The following KBTBD12 variants were observed in gnomAD, a reference collection of about 807,000 sequenced individuals.
KBTBD12 encodes kelch repeat and BTB domain-containing protein 12.
In KBTBD12, 53 loss-of-function variants were observed where a neutral mutation model predicts 58.7. That is an observed-to-expected ratio of 0.90 (90% CI 0.72 to 1.14). KBTBD12 has a LOEUF of 1.14. Among genes scored for constraint, KBTBD12 ranks in the 50% most tolerant of loss-of-function variants. The probability of loss-of-function intolerance (pLI) is 0.00; values close to 1 mark genes in which losing one functional copy is unlikely to be tolerated. For synonymous variants in KBTBD12, 236 were observed against 259.8 expected, an observed-to-expected ratio of 0.91 and a Z score of 0.88; for missense variants, 704 against 751.3, an observed-to-expected ratio of 0.94 and a Z score of 0.74.
At chr3:127,966,002 T>C (rs531259769) in intron 5 of KBTBD12, among the ~76,000 whole-genome samples, 8 of 152,222 alleles carry the variant, frequency 5.3e-5, no homozygotes, top group Non-Finnish European at 1.2e-4. Flanking sequence ...ACATGAAGAT[T>C]AGCTGAAAGA....
chr3:127,963,154 C>T (rs532037490), intron 4 of KBTBD12, 35 bp from the exon 5 acceptor site: 1 of 1,539,682 alleles, frequency 6.5e-7, no homozygotes, highest in African/African-American at 1.4e-5. Flanking sequence ...GTTTCAGTTC[C>T]TGATCCTCTC....
At chr3:127,937,884 A>G (rs1413081203) in intron 4 of KBTBD12, among the ~76,000 whole-genome samples, 1 of 152,184 alleles carries the variant, frequency 6.6e-6, no homozygotes, top group Non-Finnish European at 1.5e-5. Flanking sequence ...TGGAATCCTA[A>G]AGACAGTTAA....
chr3:127,983,009 G>A (rs1360062953), intron 5 of KBTBD12, among the ~76,000 whole-genome samples: 1 of 152,224 alleles, frequency 6.6e-6, no homozygotes, highest in East Asian at 1.9e-4. Flanking sequence ...CTAGCCCAGG[G>A]CCACATGACT....
chr3:127,929,882 C>T (rs1201187476), intron 3 of KBTBD12, among the ~76,000 whole-genome samples: 1 of 151,484 alleles, frequency 6.6e-6, no homozygotes, highest in Admixed American at 6.6e-5. Flanking sequence ...TAATGAATGT[C>T]TCACTGCTAA....
intron 5 of KBTBD12, among the ~76,000 whole-genome samples, chr3:127,964,973 A>G (rs1940534545): frequency 6.6e-6 from 1 of 152,198 alleles, no homozygotes; most frequent in Non-Finnish European, 1.5e-5. Flanking sequence ...CCCTGCGTGT[A>G]AGAAGGGAGC....
At chr3:127,945,842 A>C (rs1244941401) in intron 4 of KBTBD12, among the ~76,000 whole-genome samples, 1 of 151,780 alleles carries the variant, frequency 6.6e-6, no homozygotes. Context: ...CCATGCCTGG[A>C]TAATTTTTGT....
At chr3:127,964,640 C>CAAAAAA (rs34230294) in intron 5 of KBTBD12, among the ~76,000 whole-genome samples, 1 of 111,140 alleles carries the variant, frequency 9.0e-6, no homozygotes, top group African/African-American at 3.2e-5. Context: ...GACTCCATCT[C>CAAAAAA]AAAAAAAAAA....
chr3:127,958,292 C>T (rs2107607500), intron 4 of KBTBD12, among the ~76,000 whole-genome samples: 1 of 152,252 alleles, frequency 6.6e-6, no homozygotes, highest in East Asian at 1.9e-4. Context: ...CTGCAGCTGG[C>T]ACCTCTAGCC....
intron 4 of KBTBD12, among the ~76,000 whole-genome samples, chr3:127,961,770 G>T (rs1432149656): frequency 6.6e-6 from 1 of 152,188 alleles, no homozygotes; most frequent in African/African-American, 2.4e-5. Flanking sequence ...AGGTACTAGG[G>T]ATGCAATATG....
intron 4 of KBTBD12, among the ~76,000 whole-genome samples, chr3:127,942,663 T>C (rs1939979049): frequency 6.8e-6 from 1 of 148,000 alleles, no homozygotes; most frequent in African/African-American, 2.5e-5. Context: ...TATAACTACA[T>C]ATAACTATAT....
intron 2 of KBTBD12, among the ~76,000 whole-genome samples, chr3:127,926,804 GT>G (rs758803623): frequency 6.6e-6 from 1 of 152,022 alleles, no homozygotes; most frequent in Admixed American, 6.6e-5. Flanking sequence ...ATGTTTTCCT[GT>G]TTTTTTGTGT....
chr3:127,928,568 A>C (rs533467576), intron 3 of KBTBD12, among the ~76,000 whole-genome samples: 1 of 152,364 alleles, frequency 6.6e-6, no homozygotes, highest in South Asian at 2.1e-4. Context: ...TGCTGTTTCT[A>C]TTGAAGCCCA....
intron 5 of KBTBD12, among the ~76,000 whole-genome samples, chr3:127,982,473 T>C (rs1356467209): frequency 6.6e-6 from 1 of 152,068 alleles, no homozygotes; most frequent in African/African-American, 2.4e-5. Context: ...CCACACCCAC[T>C]GAAATTATTC....
intron 4 of KBTBD12, among the ~76,000 whole-genome samples, chr3:127,957,404 G>T (rs1940340625): frequency 6.6e-6 from 1 of 152,158 alleles, no homozygotes; most frequent in Non-Finnish European, 1.5e-5. Flanking sequence ...CTGTGGAATA[G>T]GTTTGACTAA....
At chr3:127,953,422 A>G (rs1480316786) in intron 4 of KBTBD12, among the ~76,000 whole-genome samples, 1 of 152,224 alleles carries the variant, frequency 6.6e-6, no homozygotes, top group Non-Finnish European at 1.5e-5. Context: ...TTCTGTATGG[A>G]GCCAGGTACA....
At chr3:127,975,167 C>T (rs1258149314) in intron 5 of KBTBD12, among the ~76,000 whole-genome samples, 1 of 152,160 alleles carries the variant, frequency 6.6e-6, no homozygotes, top group East Asian at 1.9e-4. Flanking sequence ...CCACTGTGGG[C>T]CACTGAGGGT....
Position 127,963,302 on chromosome 3 carries a change from C to A in KBTBD12, c.1606C>A (p.Pro536Thr). Residue 536 changes from proline (P) to threonine (T), a missense_variant, in exon 5 of 6, where the codon CCC becomes ACC. By Grantham distance (38) the Pro-to-Thr change is conservative. Coordinates refer to ENST00000405109, the MANE Select transcript of KBTBD12 (RefSeq NM_207335.4). ...GCGAGAGGGCCCTCCCATGCCAAGT[C>A]CCCTCCTCTCACTCCGCACCAATTC... is the stretch of plus-strand genomic sequence containing the variant. ...FWREGPPMPS[P>T]LLSLRTNSTN... The A allele has an allele frequency of 6.2e-7, 1 of 1,611,652 alleles. No individual in the cohort carries two copies. Among genetic ancestry groups the A allele is most frequent in the South Asian group, 1.1e-5 (1 of 90,266 alleles).
Position 127,933,182 on chromosome 3 carries a change from GTTTC to G in KBTBD12, c.1492+2903_1492+2906del, listed in dbSNP as rs1271138340. On this transcript the variant is annotated intron_variant, in intron 4 of 5. Coordinates refer to ENST00000405109, the MANE Select transcript of KBTBD12 (RefSeq NM_207335.4). ...AATCATAAATAACAAATTGAGAATA[GTTTC>G]TTTATTTAAAAACAATACTGAGCTT... Among the ~76,000 whole-genome samples the G allele has an allele frequency of 7.2e-5, 11 of 152,234 alleles. No homozygotes were observed. The East Asian group carries it at 1.9e-3, about 27-fold the overall frequency.
intron 2 of KBTBD12, among the ~76,000 whole-genome samples, chr3:127,927,497 C>G (rs760616831): frequency 3.9e-5 from 6 of 152,076 alleles, no homozygotes; most frequent in Non-Finnish European, 8.8e-5. Context: ...ATGAAGGCTA[C>G]TCCTGGAAAA....
Sources: gnomAD v4.1 joint callset for allele counts (sites outside exome capture counted in the v4.1 genomes callset) on GRCh38, gnomAD v4.1.1 for gene constraint, MANE v1.5 for transcripts, NCBI Gene and HGNC (gene_info 2026-07-23, HGNC 2026-07-21) for gene names.